XRCC5: variants seen among roughly 807,000 people sequenced by gnomAD.
XRCC5 encodes DNA repair protein Ku80.
XRCC5 carries 12 observed loss-of-function variants against 95.7 expected under a neutral mutation model. That is an observed-to-expected ratio of 0.13 (90% CI 0.08 to 0.20). XRCC5 has a LOEUF of 0.20. Among genes scored for constraint, XRCC5 ranks in the 10% least tolerant of loss-of-function variants. The pLI, the probability that XRCC5 is intolerant of heterozygous loss-of-function variation, is 1.00. For missense variants in XRCC5, 595 were observed against 873.9 expected (o/e 0.68, Z 4.02); for synonymous variants, 281 against 290.3 (o/e 0.97, Z 0.33).
At position 216,189,163 on chromosome 2, in the gene XRCC5, T is replaced by C. The variant is rs537220230; in HGVS notation, c.1835-1062T>C. On this transcript the variant is annotated intron_variant, in intron 16 of 20. Coordinates refer to ENST00000392132, the MANE Select transcript of XRCC5 (RefSeq NM_021141.4). Reference sequence around the variant, plus strand: ...CACAGAGTTAGTGGCCTGGGGCCTTTATTGGTAAAGCTTGAAAGTAGTTTT... The same window carrying C: ...CACAGAGTTAGTGGCCTGGGGCCTTCATTGGTAAAGCTTGAAAGTAGTTTT... 3.9e-5 allele frequency among the ~76,000 whole-genome samples: 6 copies of C among 152,362 alleles called. No homozygotes were observed. In the East Asian group the frequency reaches 1.2e-3, roughly 29 times the overall value.
chr2:216,124,198 C>G (rs1404338696), intron 6 of XRCC5, among the ~76,000 whole-genome samples: 2 of 152,144 alleles, frequency 1.3e-5, no homozygotes, highest in Non-Finnish European at 2.9e-5. Context: ...AGGAAGAGAA[C>G]TTGACATCTA....
chr2:216,163,582 A>G (rs1186459152), intron 16 of XRCC5, among the ~76,000 whole-genome samples: 6 of 152,044 alleles, frequency 3.9e-5, no homozygotes, highest in South Asian at 2.1e-4. Flanking sequence ...CCACGGTGGC[A>G]TGAGCCACCG....
Position 216,127,519 on chromosome 2 carries a change from G to T in XRCC5, c.799-17G>T. ...TCCTAACTTTCCTTGTTTTCCCTTT[G>T]TGTTTTGGAATGTAAGATTCTACAG... On this transcript the variant is annotated splice_polypyrimidine_tract_variant and intron_variant, in intron 7 of 20. Transcript: ENST00000392132. 6.3e-6 allele frequency: 10 copies of T among 1,575,322 alleles called. No individual in the cohort carries two copies. The highest frequency in any genetic ancestry group is 8.6e-6 in the Non-Finnish European group (10 of 1,168,284).
chr2:216,199,641 G>A (rs7573191), intron 19 of XRCC5, among the ~76,000 whole-genome samples: 110,067 of 151,964 alleles, frequency 0.72, 41,371 homozygotes, highest in East Asian at 0.95. Context: ...CTCTTCATCT[G>A]TCAGTTCTCC....
chr2:216,178,532 G>A (rs899062202), intron 16 of XRCC5, among the ~76,000 whole-genome samples: 2 of 152,148 alleles, frequency 1.3e-5, no homozygotes, highest in Non-Finnish European at 2.9e-5. Context: ...CAAGCAGCTT[G>A]ATCAAAGAAA....
chr2:216,171,771 T>C (rs1443642246), intron 16 of XRCC5, among the ~76,000 whole-genome samples: 3 of 152,264 alleles, frequency 2.0e-5, no homozygotes, highest in Admixed American at 6.5e-5. Context: ...TTCATACTTA[T>C]TCTGTGATAG....
intron 16 of XRCC5, among the ~76,000 whole-genome samples, chr2:216,179,625 CAG>C (rs1689344940): frequency 6.6e-6 from 1 of 152,080 alleles, no homozygotes; most frequent in African/African-American, 2.4e-5. Context: ...GCTTTGCAGA[CAG>C]AGGGAGCAGC....
chr2:216,121,496 T>G (rs146758966), intron 5 of XRCC5, among the ~76,000 whole-genome samples: 72 of 152,310 alleles, frequency 4.7e-4, no homozygotes, highest in African/African-American at 1.6e-3. Context: ...GGGCTAACAC[T>G]GTTCTCACGT....
intron 16 of XRCC5, among the ~76,000 whole-genome samples, chr2:216,178,599 G>A (rs1037384127): frequency 2.0e-5 from 3 of 152,170 alleles, no homozygotes; most frequent in Non-Finnish European, 4.4e-5. Context: ...ATAATAAAAC[G>A]TCAAGATGTC....
rs1348909157 is a variant in XRCC5 at position 216,205,859 on chromosome 2, A to C, written c.*657A>C. 6.6e-6 allele frequency: 1 copy of C among 152,242 alleles called. No individual in the cohort carries two copies. Among genetic ancestry groups the C allele is most frequent in the Non-Finnish European group, 1.5e-5 (1 of 68,068 alleles). 9.4% of individuals were successfully genotyped at this position (152,242 alleles called of 1,614,324 possible). A position where few individuals can be genotyped will look rare whatever the true frequency, so the allele number is the denominator to read the frequency against. ...TCATACTCCTTTTAAGCAGTGAGTTATGGTGGTGGTCTCATGAAGAAAAGA... is the reference window on the plus strand; with the variant it reads ...TCATACTCCTTTTAAGCAGTGAGTTCTGGTGGTGGTCTCATGAAGAAAAGA... On this transcript the variant is annotated 3_prime_UTR_variant, in exon 21 of 21. Coordinates refer to ENST00000392132, the MANE Select transcript of XRCC5 (RefSeq NM_021141.4).
chr2:216,130,914 T>A lies in XRCC5; in HGVS notation c.977T>A (p.Val326Glu). 1 of 1,613,330 alleles carries A rather than the reference T, an allele frequency of 6.2e-7. No individual in the cohort carries two copies. Among genetic ancestry groups the A allele is most frequent in the Non-Finnish European group, 8.5e-7 (1 of 1,179,772 alleles). Residue 326 changes from valine to glutamate, a missense_variant, in exon 9 of 21, where the codon GTG becomes GAG. By Grantham distance (121) the Val-to-Glu change is moderately radical. Transcript: ENST00000392132. ...YGSDIVPFSK[V>E]DEEQMKYKSE... ...AGTGATATAGTTCCTTTCTCTAAAG[T>A]GGATGAGGAACAAATGAAATATAAA...
At position 216,190,245 on chromosome 2, in the gene XRCC5, C is replaced by A. The variant is rs554773794; in HGVS notation, c.1855C>A (p.His619Asn). The A allele has an allele frequency of 6.2e-7, 1 of 1,613,632 alleles. No individual in the cohort carries two copies. Residue 619 changes from histidine (H) to asparagine (N), a missense_variant, in exon 17 of 21, where the codon CAC becomes AAC. His to Asn is a moderately conservative substitution (Grantham distance 68). Coordinates refer to ENST00000392132, the MANE Select transcript of XRCC5 (RefSeq NM_021141.4). ...TTTAGCGAGTAACCAGCTCATAAAT[C>A]ACATCGAACAGTTTTTGGATACTAA... ...FEEASNQLIN[H>N]IEQFLDTNET...
At chr2:216,160,036 G>A (rs1324597492) in intron 14 of XRCC5, 32 bp from the exon 15 acceptor site, 2 of 1,332,892 alleles carry the variant, frequency 1.5e-6, no homozygotes, top group African/African-American at 1.5e-5. Context: ...TGTATTGTTT[G>A]TTCTAAGAGA....
In XRCC5 at chr2:216,141,135, T is replaced by C. The variant is rs766640489; in HGVS notation, c.1343-51T>C. On this transcript the variant is annotated intron_variant, in intron 12 of 20. Coordinates refer to ENST00000392132, the MANE Select transcript of XRCC5 (RefSeq NM_021141.4). The stretch of plus-strand genomic sequence containing the variant: ...ATCTCTACGTAGAAAGCATTTGTTT[T>C]AGTGGAGAATAATGGAAATAATCAT... 16 of 1,606,650 alleles carry C rather than the reference T, an allele frequency of 1.0e-5. No homozygotes were observed. The African/African-American group carries it at 1.6e-4, about 16-fold the overall frequency.
chr2:216,192,407 C>A (rs895398465), intron 17 of XRCC5, among the ~76,000 whole-genome samples: 1 of 152,114 alleles, frequency 6.6e-6, no homozygotes, highest in South Asian at 2.1e-4. Flanking sequence ...GCTAGGCCAC[C>A]GCAGAAAAAC....
Position 216,160,072 on chromosome 2 carries a change from G to C in XRCC5, c.1675G>C (p.Glu559Gln), listed in dbSNP as rs1349547695. 1.3e-6 allele frequency: 2 copies of C among 1,576,450 alleles called. No individual in the cohort carries two copies. Among genetic ancestry groups the C allele is most frequent in the Middle Eastern group, 3.4e-4 (2 of 5,920 alleles). The change falls in exon 15 of 21, where the codon GAA becomes CAA. Residue 559 changes from glutamate (E) to glutamine (Q), a missense_variant. Coordinates refer to ENST00000392132, the MANE Select transcript of XRCC5 (RefSeq NM_021141.4). ...TAQEIFQDNH[E>Q]DGPTAKKLKT... ...AATTTTTTTTTTCTTTTCTAGCCAT[G>C]AAGATGGACCTACAGCTAAAAAATT... is the stretch of plus-strand genomic sequence containing the variant.
At chr2:216,123,049 G>A (rs754333260) in intron 6 of XRCC5, among the ~76,000 whole-genome samples, 35 of 152,134 alleles carry the variant, frequency 2.3e-4, no homozygotes, top group Non-Finnish European at 4.0e-4. Flanking sequence ...TGGCAATAGA[G>A]TACTTTACAT....
intron 11 of XRCC5, among the ~76,000 whole-genome samples, chr2:216,137,811 C>G (rs1358088082): frequency 1.3e-5 from 2 of 152,212 alleles, no homozygotes; most frequent in Admixed American, 1.3e-4. Context: ...ACCTTCTGGT[C>G]ACCCTAGTCT....
intron 14 of XRCC5, among the ~76,000 whole-genome samples, chr2:216,155,941 A>C (rs1688834458): frequency 6.6e-6 from 1 of 152,188 alleles, no homozygotes; most frequent in Admixed American, 6.5e-5. Context: ...AAGTCATTAG[A>C]AATTTTGAAT....
Sources: gnomAD v4.1 joint callset for allele counts (sites outside exome capture counted in the v4.1 genomes callset) on GRCh38, gnomAD v4.1.1 for gene constraint, MANE v1.5 for transcripts, NCBI Gene and HGNC (gene_info 2026-07-23, HGNC 2026-07-21) for gene names.